The following CKM variants were observed in gnomAD, a reference collection of about 807,000 sequenced individuals.
The protein encoded by CKM is creatine kinase M-type.
In CKM, 28 loss-of-function variants were observed where a neutral mutation model predicts 35.4. The ratio of observed to expected loss-of-function variants is 0.79; its 90% CI spans 0.59 to 1.08. The LOEUF (loss-of-function observed/expected upper bound fraction) is 1.08. CKM is among the 50% of genes least tolerant of loss of function. The pLI, the probability that CKM is intolerant of heterozygous loss-of-function variation, is 0.00. For missense variants in CKM, 484 were observed against 509.8 expected (o/e 0.95, Z 0.49); for synonymous variants, 215 against 204.4 (o/e 1.05, Z -0.44).
chr19:45,312,058 G>T, intron 4 of CKM, 138 bp from the exon 5 acceptor site: 2 of 951,326 alleles, frequency 2.1e-6, no homozygotes, highest in Non-Finnish European at 3.3e-6. Context: ...CCTGAACCCT[G>T]TGTCTAAACC....
intron 4 of CKM, among the ~76,000 whole-genome samples, chr19:45,312,679 C>T (rs560503370): frequency 3.9e-5 from 6 of 151,972 alleles, no homozygotes; most frequent in Non-Finnish European, 5.9e-5. Context: ...GTAGGCTGGG[C>T]GCAGTGGCTC....
chr19:45,315,090 C>A (rs543662729), intron 4 of CKM, among the ~76,000 whole-genome samples: 47 of 152,232 alleles, frequency 3.1e-4, no homozygotes, highest in Admixed American at 2.3e-3. Context: ...TTATCTTGTT[C>A]ATCTGTGGGT....
At position 45,318,075 on chromosome 19, in the gene CKM, G is replaced by A. The variant is rs1599819716; in HGVS notation, c.194-96C>T. On this transcript the variant is annotated intron_variant, in intron 2 of 7. Transcript: ENST00000221476. ...GAGCCTGTGTGGACATGTGTGTCGG[G>A]ATGGGGGCGGGTACATTCAATACCT... The A allele has an allele frequency of 6.8e-6, 7 of 1,031,094 alleles. No homozygotes were observed. The East Asian group carries it at 1.7e-4, about 25-fold the overall frequency. 63.9% of individuals were successfully genotyped at this position (1,031,094 alleles called of 1,614,324 possible). A position where few individuals can be genotyped will look rare whatever the true frequency, so the allele number is the denominator to read the frequency against.
chr19:45,311,978 A>G, intron 4 of CKM, 58 bp from the exon 5 acceptor site: 2 of 1,599,044 alleles, frequency 1.3e-6, no homozygotes, highest in Non-Finnish European at 1.7e-6. Context: ...CAGGGTGTGG[A>G]GGCCCAGGGT....
intron 2 of CKM, among the ~76,000 whole-genome samples, chr19:45,318,317 G>A (rs1971179224): frequency 6.6e-6 from 1 of 151,906 alleles, no homozygotes; most frequent in Admixed American, 6.6e-5. Context: ...TGAGGCATGA[G>A]AATTGCTTGA....
In CKM at chr19:45,306,764, G is replaced by A. The variant is rs560579155; in HGVS notation, c.1132C>T (p.Pro378Ser). 2.5e-6 allele frequency: 4 copies of A among 1,614,140 alleles called. No homozygotes were observed. The African/African-American group carries it at 5.3e-5, about 22-fold the overall frequency. ...TGGGCAGGCGCCTACTTCTGGGCGGGGATCATGTCGTCAATGGACTGGCCT... is the reference window on the plus strand; with the variant it reads ...TGGGCAGGCGCCTACTTCTGGGCGGAGATCATGTCGTCAATGGACTGGCCT... The part of the protein sequence containing the change: ...EKGQSIDDMI[P>S]AQK Residue 378 changes from proline (P) to serine (S), a missense_variant, in exon 8 of 8, where the codon CCC becomes TCC. By Grantham distance (74) the Pro-to-Ser change is moderately conservative. Coordinates refer to ENST00000221476, the MANE Select transcript of CKM (RefSeq NM_001824.5). The surrounding 1 kb of genome is among the most constrained non-coding windows in gnomAD (Gnocchi z 4.5).
Position 45,306,752 on chromosome 19 carries a change from ACTTCT to A in CKM, c.1139_1143del (p.Gln380LeufsTer87), listed in dbSNP as rs756225168. 3 of 1,614,078 alleles carry A rather than the reference ACTTCT, an allele frequency of 1.9e-6. No homozygotes were observed. The highest frequency in any genetic ancestry group is 1.7e-6 in the Non-Finnish European group (2 of 1,180,002). On this transcript the variant is annotated frameshift_variant, in exon 8 of 8. Transcript: ENST00000221476. LOFTEE classifies it high-confidence loss of function. The surrounding 1 kb of genome is among the most constrained non-coding windows in gnomAD (Gnocchi z 4.5). ...GTCGGTGGCAGGTGGGCAGGCGCCT[ACTTCT>A]GGGCGGGGATCATGTCGTCAATGGA...
chr19:45,319,170 T>G (rs1223413338), intron 2 of CKM, among the ~76,000 whole-genome samples: 2 of 152,126 alleles, frequency 1.3e-5, no homozygotes, highest in African/African-American at 4.8e-5. Context: ...CTGTCAGAGC[T>G]TGAGCACTCA....
chr19:45,318,593 A>G (rs1971182188), intron 2 of CKM, among the ~76,000 whole-genome samples: 3 of 152,094 alleles, frequency 2.0e-5, no homozygotes, highest in African/African-American at 4.8e-5. Context: ...CCTCGGAAAC[A>G]TTAGCACCCA....
intron 5 of CKM, among the ~76,000 whole-genome samples, chr19:45,310,267 C>T (rs1971095015): frequency 6.6e-6 from 1 of 151,848 alleles, no homozygotes; most frequent in South Asian, 2.1e-4. Flanking sequence ...ACTACAGGCG[C>T]CTGCCACCAA....
chr19:45,320,200 T>C (rs1352360002), intron 1 of CKM, among the ~76,000 whole-genome samples: 1 of 151,434 alleles, frequency 6.6e-6, no homozygotes, highest in Non-Finnish European at 1.5e-5. Flanking sequence ...GATTCTCCTG[T>C]CTCAGCCTCC....
intron 1 of CKM, among the ~76,000 whole-genome samples, chr19:45,322,249 G>A (rs1568513779): frequency 1.3e-5 from 2 of 150,882 alleles, no homozygotes; most frequent in Non-Finnish European, 2.9e-5. Context: ...GAAAGCCCCA[G>A]AGCCACACAC....
intron 4 of CKM, among the ~76,000 whole-genome samples, chr19:45,314,038 G>C (rs1171701845): frequency 2.0e-5 from 3 of 148,168 alleles, no homozygotes; most frequent in Non-Finnish European, 3.0e-5. Context: ...AAGAGAGAGA[G>C]AAAGAGAAGG....
At chr19:45,314,733 G>T (rs1971141008) in intron 4 of CKM, among the ~76,000 whole-genome samples, 1 of 146,714 alleles carries the variant, frequency 6.8e-6, no homozygotes. Flanking sequence ...TGTTTTTGAG[G>T]CAGGTTCTCA....
At chr19:45,320,788 A>T (rs533105009) in intron 1 of CKM, among the ~76,000 whole-genome samples, 16 of 152,338 alleles carry the variant, frequency 1.1e-4, no homozygotes, top group African/African-American at 3.8e-4. Context: ...GGATCCTAAC[A>T]GCACTTGCCG....
At position 45,315,570 on chromosome 19, in the gene CKM, C is replaced by A; in HGVS notation, c.376G>T (p.Val126Leu). Reference protein sequence around the residue: ...KGGDDLDPNYVLSSRVRTGRS... With the variant: ...KGGDDLDPNYLLSSRVRTGRS... ...CCAGTGCGGACGCGGCTGCTGAGCA[C>A]GTAGTTAGGGTCCAGGTCGTCTCCA... The change falls in exon 4 of 8, where the codon GTG (valine) becomes TTG (leucine). Residue 126 changes from valine (V) to leucine (L), a missense_variant. Physicochemically the swap from Val to Leu is conservative, Grantham distance 32 (BLOSUM62 1). Coordinates refer to ENST00000221476, the MANE Select transcript of CKM (RefSeq NM_001824.5). 6.2e-7 allele frequency: 1 copy of A among 1,604,386 alleles called. No individual in the cohort carries two copies. The highest frequency in any genetic ancestry group is 1.3e-5 in the African/African-American group (1 of 75,006).
At chr19:45,307,057 G>T in intron 7 of CKM, 129 bp from the exon 8 acceptor site, 1 of 866,400 alleles carries the variant, frequency 1.2e-6, no homozygotes, top group Non-Finnish European at 1.9e-6. Flanking sequence ...CCTGCACACA[G>T]GTAATGCCTG....
intron 7 of CKM, 109 bp from the exon 8 acceptor site, chr19:45,307,037 T>TA (rs1370305160): frequency 3.9e-5 from 43 of 1,094,174 alleles, no homozygotes; most frequent in Non-Finnish European, 5.5e-5. Flanking sequence ...GCCTACTGTG[T>TA]AACAGGTTAC....
At position 45,315,460 on chromosome 19, in the gene CKM, C is replaced by T. The variant is rs766025645; in HGVS notation, c.481+5G>A. 7 of 1,598,530 alleles carry T rather than the reference C, an allele frequency of 4.4e-6. No individual in the cohort carries two copies. The South Asian group carries it at 5.5e-5, about 13-fold the overall frequency. On this transcript the variant is annotated splice_donor_5th_base_variant and intron_variant, in intron 4 of 7. Transcript: ENST00000221476. ...CCCAGCAGTGGACGGGGTAGGGGCG[C>T]TCACCTTCCACAGAGAGCTTCTCCA... is the stretch of plus-strand genomic sequence containing the variant.
Sources: allele counts gnomAD v4.1 joint callset (sites outside exome capture counted in the v4.1 genomes callset), GRCh38; gene constraint gnomAD v4.1.1; non-coding constraint Gnocchi (gnomAD v3.1); transcripts MANE v1.5; gene names NCBI Gene and HGNC (gene_info 2026-07-23, HGNC 2026-07-21).